Variants in USH2A observed in about 807,000 individuals in gnomAD.
The protein encoded by USH2A is usherin.
Under a neutral mutation model 538.9 loss-of-function variants are expected in USH2A, and 443 were observed. The observed-to-expected ratio is 0.82, with a 90% CI of 0.76 to 0.89. USH2A has a LOEUF of 0.89. Ranked by LOEUF, USH2A falls within the 40% of genes least tolerant of loss-of-function variation. The pLI is 0.00. For synonymous variants in USH2A, 2,413 were observed against 2,273.5 expected, an observed-to-expected ratio of 1.06 and a Z score of -1.75; for missense variants, 6,633 against 6,324.8, an observed-to-expected ratio of 1.05 and a Z score of -1.65.
chr1:216,324,399 C>T, intron 6 of USH2A, 47 bp from the exon 7 acceptor site: 8 of 1,497,690 alleles, frequency 5.3e-6, no homozygotes, highest in Non-Finnish European at 7.3e-6. Flanking sequence ...TAAGTTTAAC[C>T]ATCAGTATAT....
chr1:215,961,140 A>G (rs569705740), intron 37 of USH2A, among the ~76,000 whole-genome samples: 1 of 152,172 alleles, frequency 6.6e-6, no homozygotes, highest in South Asian at 2.1e-4. Flanking sequence ...AAGTTAGATG[A>G]ACGATCATCT....
intron 21 of USH2A, among the ~76,000 whole-genome samples, chr1:216,111,662 A>G (rs1208790759): frequency 6.6e-6 from 1 of 151,544 alleles, no homozygotes; most frequent in African/African-American, 2.4e-5. Context: ...AAAACAAGAC[A>G]AATAAAATAT....
intron 11 of USH2A, among the ~76,000 whole-genome samples, chr1:216,273,723 T>C (rs1012484720): frequency 2.0e-4 from 30 of 151,496 alleles, no homozygotes; most frequent in African/African-American, 6.8e-4. Flanking sequence ...ATAGGAGTTA[T>C]AGAAATCACA....
At chr1:216,255,864 T>A (rs2036248785) in intron 11 of USH2A, among the ~76,000 whole-genome samples, 1 of 152,178 alleles carries the variant, frequency 6.6e-6, no homozygotes, top group Non-Finnish European at 1.5e-5. Flanking sequence ...TACTTTCTCC[T>A]TCAGTTACGT....
intron 61 of USH2A, among the ~76,000 whole-genome samples, chr1:215,715,016 G>A (rs1311764092): frequency 2.0e-5 from 3 of 152,144 alleles, no homozygotes; most frequent in African/African-American, 4.8e-5. Context: ...CGGGATACAC[G>A]TGCAGGATGT....
intron 32 of USH2A, among the ~76,000 whole-genome samples, chr1:216,031,713 A>C (rs1294367128): frequency 6.6e-6 from 1 of 152,188 alleles, no homozygotes; most frequent in Non-Finnish European, 1.5e-5. Context: ...CTTCAGAACA[A>C]AGTTCAAATA....
chr1:216,274,340 A>G (rs1436936526), intron 11 of USH2A, among the ~76,000 whole-genome samples: 3 of 152,142 alleles, frequency 2.0e-5, no homozygotes, highest in African/African-American at 7.2e-5. Flanking sequence ...CATTTATGAA[A>G]TATCTAATCA....
At chr1:215,808,852 G>T (rs1320736503) in intron 49 of USH2A, among the ~76,000 whole-genome samples, 2 of 152,030 alleles carry the variant, frequency 1.3e-5, no homozygotes, top group Non-Finnish European at 2.9e-5. Flanking sequence ...GATTACAGCT[G>T]CTGTAAACCC....
intron 38 of USH2A, among the ~76,000 whole-genome samples, chr1:215,931,411 T>C (rs1301149046): frequency 6.6e-6 from 1 of 151,976 alleles, no homozygotes; most frequent in Non-Finnish European, 1.5e-5. Context: ...TTGTTTATTC[T>C]ATGCTCACCT....
chr1:216,270,239 A>G (rs536543865), intron 11 of USH2A, among the ~76,000 whole-genome samples: 239 of 152,240 alleles, frequency 1.6e-3, no homozygotes, highest in South Asian at 6.2e-4. Context: ...CTAAAAGCCA[A>G]TGAGGCAATG....
At chr1:216,288,673 C>T (rs531662365) in intron 11 of USH2A, among the ~76,000 whole-genome samples, 11 of 152,106 alleles carry the variant, frequency 7.2e-5, no homozygotes, top group Non-Finnish European at 1.3e-4. Context: ...ATTATCAGAA[C>T]AGGAAAAACT....
Position 215,624,529 on chromosome 1 carries a change from G to GT in USH2A, c.*1251dup, listed in dbSNP as rs1216047432. ...CTTTAAGGATGAAGGAAGACAAGAG[G>GT]TTTTCTTACTCTGTTTTCCATGAAG... On this transcript the variant is annotated 3_prime_UTR_variant, in exon 72 of 72. Transcript: ENST00000307340. 2.0e-5 allele frequency: 3 copies of GT among 152,084 alleles called. No homozygotes were observed. Among genetic ancestry groups the GT allele is most frequent in the African/African-American group, 7.2e-5 (3 of 41,394 alleles). The allele number at this position is 152,084 out of a possible 1,614,324, so 9.4% of individuals were successfully genotyped here.
At chr1:215,719,950 T>C (rs1659604176) in intron 61 of USH2A, among the ~76,000 whole-genome samples, 2 of 152,192 alleles carry the variant, frequency 1.3e-5, no homozygotes, top group Admixed American at 1.3e-4. Context: ...AAAAATGATC[T>C]GGCTTGTGCA....
At chr1:216,295,645 TCTCA>T (rs1348525921) in intron 9 of USH2A, among the ~76,000 whole-genome samples, 1 of 151,978 alleles carries the variant, frequency 6.6e-6, no homozygotes, top group African/African-American at 2.4e-5. Context: ...AAATCATTTT[TCTCA>T]CTCTCCATTT....
intron 9 of USH2A, among the ~76,000 whole-genome samples, chr1:216,315,212 T>G (rs1039277634): frequency 4.0e-4 from 61 of 152,296 alleles, no homozygotes; most frequent in African/African-American, 1.4e-3. Flanking sequence ...GAGCTTAATA[T>G]ATACACTTTG....
Position 216,198,560 on chromosome 1 carries a change from T to C in USH2A, c.3836A>G (p.Tyr1279Cys), listed in dbSNP as rs755534646. 1.5e-5 allele frequency: 24 copies of C among 1,613,470 alleles called. No homozygotes were observed. Among genetic ancestry groups the C allele is most frequent in the Admixed American group, 3.3e-5 (2 of 60,004 alleles). The change falls in exon 18 of 72, where the codon TAC becomes TGC. Residue 1279 changes from tyrosine (Y) to cysteine (C), a missense_variant. By Grantham distance (194) the Tyr-to-Cys change is radical. Coordinates refer to ENST00000307340, the MANE Select transcript of USH2A (RefSeq NM_206933.4). The part of the protein sequence containing the change: ...LNGIIIRYEL[Y>C]MRRLRSTKET... ...TTTAGTAGATCTCAGTCTTCTCATG[T>C]ATAGTTCATATCTTATAATTATTCC... is the stretch of plus-strand genomic sequence containing the variant.
chr1:216,186,263 C>T (rs193129153), intron 20 of USH2A, among the ~76,000 whole-genome samples: 21 of 151,698 alleles, frequency 1.4e-4, no homozygotes, highest in African/African-American at 4.8e-4. Context: ...CACTATATCT[C>T]CTCCTGCCGC....
chr1:215,626,057 G>A (rs1473107272), intron 71 of USH2A, among the ~76,000 whole-genome samples, 187 bp from the exon 72 acceptor site: 2 of 151,872 alleles, frequency 1.3e-5, no homozygotes, highest in African/African-American at 4.8e-5. Flanking sequence ...CACATCACAT[G>A]CACACATGAA....
rs2035203418 is a variant in USH2A, at chr1:216,209,991, G to A, written c.3158-2560C>T. Among the ~76,000 whole-genome samples, 3 of 152,062 alleles carry A rather than the reference G, an allele frequency of 2.0e-5. No individual in the cohort carries two copies. In the South Asian group the frequency reaches 6.2e-4, roughly 31 times the overall value. On this transcript the variant is annotated intron_variant, in intron 15 of 71. Coordinates refer to ENST00000307340, the MANE Select transcript of USH2A (RefSeq NM_206933.4). ...CTTTCTGTCTTAGAGCCGGCCATAA[G>A]GAAATTCTCTGACCTACCTTGTCTG...
Sources: gnomAD v4.1 joint callset for allele counts (sites outside exome capture counted in the v4.1 genomes callset) on GRCh38, gnomAD v4.1.1 for gene constraint, MANE v1.5 for transcripts, NCBI Gene and HGNC (gene_info 2026-07-23, HGNC 2026-07-21) for gene names.